MDGA2: variants seen among roughly 807,000 people sequenced by gnomAD.
MDGA2 encodes the protein MAM domain containing glycosylphosphatidylinositol anchor 2.
In MDGA2, 40 loss-of-function variants were observed where a neutral mutation model predicts 117.8. That is an observed-to-expected ratio of 0.34 (90% CI 0.26 to 0.44). The LOEUF is 0.44. Among genes scored for constraint, MDGA2 ranks in the 20% least tolerant of loss-of-function variants. The probability of loss-of-function intolerance (pLI) is 1.00; values close to 1 mark genes in which losing one functional copy is unlikely to be tolerated. For missense variants in MDGA2, 1,123 were observed against 1,250.6 expected (o/e 0.90, Z 1.54); for synonymous variants, 452 against 439.0 (o/e 1.03, Z -0.37).
intron 1 of MDGA2, among the ~76,000 whole-genome samples, chr14:47,370,177 TTAA>T (rs1434794428): frequency 6.6e-6 from 1 of 151,986 alleles, no homozygotes; most frequent in Non-Finnish European, 1.5e-5. Context: ...TGCCATGAGC[TTAA>T]TATTATTATG....
chr14:47,278,300 G>C (rs949857422), intron 2 of MDGA2, among the ~76,000 whole-genome samples: 3 of 151,816 alleles, frequency 2.0e-5, no homozygotes, highest in Non-Finnish European at 4.4e-5. Flanking sequence ...TTTTTAAATT[G>C]ACAAATAATA....
At chr14:46,986,076 A>C (rs965693648) in intron 8 of MDGA2, among the ~76,000 whole-genome samples, 4 of 152,080 alleles carry the variant, frequency 2.6e-5, no homozygotes, top group Non-Finnish European at 5.9e-5. Flanking sequence ...TGACAGCCTG[A>C]GGAATCTTGC....
intron 1 of MDGA2, among the ~76,000 whole-genome samples, chr14:47,588,899 T>C (rs1401107534): frequency 6.6e-6 from 1 of 151,934 alleles, no homozygotes; most frequent in African/African-American, 2.4e-5. Flanking sequence ...TAGGAAAGTA[T>C]CTGTTTCCTT....
intron 1 of MDGA2, among the ~76,000 whole-genome samples, chr14:47,412,813 A>T (rs1194639524): frequency 6.6e-6 from 1 of 152,208 alleles, no homozygotes; most frequent in African/African-American, 2.4e-5. Flanking sequence ...TTGCCCATGC[A>T]ATTTCAAGGT....
intron 1 of MDGA2, among the ~76,000 whole-genome samples, chr14:47,508,573 A>T (rs1405789558): frequency 1.3e-5 from 2 of 152,204 alleles, no homozygotes; most frequent in Non-Finnish European, 2.9e-5. Context: ...ATGGATATGA[A>T]ATCTAGTGGG....
chr14:47,631,930 G>GT (rs60646667), intron 1 of MDGA2, among the ~76,000 whole-genome samples: 30,359 of 144,936 alleles, frequency 0.21, 3,151 homozygotes, highest in Middle Eastern at 0.27. Context: ...ATTTTTTTAA[G>GT]TTTTTTTTTT....
chr14:46,971,729 G>A lies in MDGA2; in HGVS notation c.1820-14086C>T, dbSNP rs762916040. On this transcript the variant is annotated intron_variant, in intron 8 of 16. Coordinates refer to ENST00000399232, the MANE Select transcript of MDGA2 (RefSeq NM_001113498.3). ...AGGTATATAGTTAAAGAGGTAAACA[G>A]TTAAAAAATAGCTAAAAATAGCTAA... Among the ~76,000 whole-genome samples, 4 of 151,970 alleles carry A rather than the reference G, an allele frequency of 2.6e-5. No homozygotes were observed. The South Asian group carries it at 6.2e-4, about 24-fold the overall frequency.
chr14:47,179,441 T>C (rs1429518472), intron 3 of MDGA2, among the ~76,000 whole-genome samples: 12 of 152,058 alleles, frequency 7.9e-5, no homozygotes, highest in Admixed American at 7.2e-4. Context: ...ATTTGTATTA[T>C]TGCAAGTAAA....
chr14:47,573,927 A>T (rs1308538345), intron 1 of MDGA2, among the ~76,000 whole-genome samples: 2 of 152,222 alleles, frequency 1.3e-5, no homozygotes, highest in Non-Finnish European at 2.9e-5. Context: ...ATAGAAAAAA[A>T]AAATACTTTC....
At chr14:47,577,500 G>A (rs921364784) in intron 1 of MDGA2, among the ~76,000 whole-genome samples, 19 of 152,190 alleles carry the variant, frequency 1.2e-4, no homozygotes, top group African/African-American at 3.9e-4. Flanking sequence ...AGAGGGAACA[G>A]ACAACCTACA....
chr14:46,921,754 G>C (rs762751808), intron 9 of MDGA2, among the ~76,000 whole-genome samples: 2 of 152,126 alleles, frequency 1.3e-5, no homozygotes, highest in African/African-American at 4.8e-5. Flanking sequence ...AATAAAGGAG[G>C]TGAATTTAGT....
chr14:47,185,329 T>A (rs1159722709), intron 3 of MDGA2, among the ~76,000 whole-genome samples: 1 of 151,542 alleles, frequency 6.6e-6, no homozygotes, highest in Admixed American at 6.6e-5. Flanking sequence ...CCAGGTGGTG[T>A]TCTTTAATCA....
chr14:46,971,469 A>T (rs773111711), intron 8 of MDGA2, among the ~76,000 whole-genome samples: 1 of 152,134 alleles, frequency 6.6e-6, no homozygotes, highest in Admixed American at 6.6e-5. Flanking sequence ...AAAGACAAAT[A>T]CCACATATTC....
At chr14:47,286,347 T>C (rs776107419) in intron 2 of MDGA2, among the ~76,000 whole-genome samples, 5 of 152,090 alleles carry the variant, frequency 3.3e-5, no homozygotes, top group Non-Finnish European at 7.4e-5. Context: ...CTGTATGTTT[T>C]ACACACTAAC....
intron 1 of MDGA2, among the ~76,000 whole-genome samples, chr14:47,479,120 A>C (rs998639782): frequency 3.9e-5 from 6 of 152,248 alleles, no homozygotes; most frequent in African/African-American, 1.4e-4. Flanking sequence ...CATGATATAA[A>C]GTCAGAAATA....
chr14:47,234,900 A>G (rs945908468), intron 2 of MDGA2, among the ~76,000 whole-genome samples: 7 of 152,182 alleles, frequency 4.6e-5, no homozygotes, highest in Non-Finnish European at 1.0e-4. Context: ...CAATTACGGT[A>G]TATTTACAAA....
intron 9 of MDGA2, among the ~76,000 whole-genome samples, chr14:46,952,194 T>A (rs1311312428): frequency 6.6e-6 from 1 of 151,836 alleles, no homozygotes; most frequent in Non-Finnish European, 1.5e-5. Context: ...CAACATTAAT[T>A]GACGGTGAAG....
chr14:47,115,842 A>C (rs1566633209), intron 5 of MDGA2, among the ~76,000 whole-genome samples: 1 of 152,046 alleles, frequency 6.6e-6, no homozygotes, highest in Non-Finnish European at 1.5e-5. Flanking sequence ...CAGTGTGAAA[A>C]TCAAAAAGGT....
At position 47,540,520 on chromosome 14, in the gene MDGA2, A is replaced by ATGTGTGTGTGTGTGTG. The variant is rs147620834; in HGVS notation, c.280+133981_280+133996dup. 5.2e-4 allele frequency among the ~76,000 whole-genome samples: 54 copies of ATGTGTGTGTGTGTGTG among 102,930 alleles called. 2 individuals are homozygous for ATGTGTGTGTGTGTGTG. Among genetic ancestry groups the ATGTGTGTGTGTGTGTG allele is most frequent in the South Asian group, 2.9e-3 (6 of 2,042 alleles). 67.5% of individuals were successfully genotyped at this position (102,930 alleles called of 152,430 possible). A position where few individuals can be genotyped will look rare whatever the true frequency, so the allele number is the denominator to read the frequency against. On this transcript the variant is annotated intron_variant, in intron 1 of 16. Coordinates refer to ENST00000399232, the MANE Select transcript of MDGA2 (RefSeq NM_001113498.3). Reference sequence around the variant, plus strand: ...TGTGTGTTTGTATATGTATATGTATATGTGTGTGTGTGTGTGTGTGTATAT... The same window carrying ATGTGTGTGTGTGTGTG: ...TGTGTGTTTGTATATGTATATGTATATGTGTGTGTGTGTGTGTGTGTGTGTGTGTGTGTGTGTATAT...
Sources: gnomAD v4.1 joint callset for allele counts (sites outside exome capture counted in the v4.1 genomes callset) on GRCh38, gnomAD v4.1.1 for gene constraint, MANE v1.5 for transcripts, NCBI Gene and HGNC (gene_info 2026-07-23, HGNC 2026-07-21) for gene names.